TMEM67: variants seen among roughly 807,000 people sequenced by gnomAD.
The protein encoded by TMEM67 is transmembrane protein 67.
In TMEM67, 124 loss-of-function variants were observed where a neutral mutation model predicts 136.6. The observed-to-expected ratio is 0.91, with a 90% CI of 0.78 to 1.05. TMEM67 has a LOEUF of 1.05. Ranked by LOEUF, TMEM67 falls within the 50% of genes least tolerant of loss-of-function variation. TMEM67 has a pLI of 0.00. For missense variants in TMEM67, 1,107 were observed against 1,178.4 expected, an observed-to-expected ratio of 0.94 and a Z score of 0.89; for synonymous variants, 364 against 390.5, an observed-to-expected ratio of 0.93 and a Z score of 0.80.
At chr8:93,813,340 G>A (rs1808773810) in intron 26 of TMEM67, among the ~76,000 whole-genome samples, 1 of 152,042 alleles carries the variant, frequency 6.6e-6, no homozygotes, top group African/African-American at 2.4e-5. Flanking sequence ...CACCACACCT[G>A]GCTAATTTTT....
In TMEM67 at chr8:93,785,257, TC is replaced by T; in HGVS notation, c.1170del (p.Thr391LeufsTer26). ...CTATCTCTAAGATCTTAATTGACTTTCCCACTCCTATATTTTATGATGTGTA... is the reference window on the plus strand; with the variant it reads ...CTATCTCTAAGATCTTAATTGACTTTCCACTCCTATATTTTATGATGTGTA... ...IPISKILIDF[P>X]TPIFYDVYLE... On this transcript the variant is annotated frameshift_variant, in exon 12 of 28. Transcript: ENST00000453321. LOFTEE classifies it high-confidence loss of function. 1 of 1,598,230 alleles carries T rather than the reference TC, an allele frequency of 6.3e-7. No individual in the cohort carries two copies. The highest frequency in any genetic ancestry group is 8.6e-7 in the Non-Finnish European group (1 of 1,166,416).
intron 6 of TMEM67, among the ~76,000 whole-genome samples, chr8:93,771,837 A>G (rs554361970): frequency 6.6e-6 from 1 of 152,296 alleles, no homozygotes; most frequent in South Asian, 2.1e-4. Flanking sequence ...ATTTTTGCTT[A>G]TTAAATATAC....
intron 9 of TMEM67, 94 bp from the exon 10 acceptor site, chr8:93,781,564 A>G: frequency 1.8e-6 from 1 of 561,212 alleles, no homozygotes; most frequent in Non-Finnish European, 3.2e-6. Context: ...TAATTTTTCA[A>G]CAAAAAAGAT....
chr8:93,791,695 A>G (rs905800106), intron 15 of TMEM67, among the ~76,000 whole-genome samples: 13 of 152,260 alleles, frequency 8.5e-5, no homozygotes, highest in East Asian at 3.9e-4. Flanking sequence ...TTGGCCCTCA[A>G]TTTGGGTTTG....
chr8:93,764,943 G>A (rs1202434108), intron 4 of TMEM67, among the ~76,000 whole-genome samples: 1 of 152,086 alleles, frequency 6.6e-6, no homozygotes, highest in Non-Finnish European at 1.5e-5. Context: ...AAACAAAGAT[G>A]GTAAATAGAA....
At chr8:93,830,226 C>T in the TMEM67 span, among the ~76,000 whole-genome samples, 8 of 152,178 alleles carry the variant, frequency 5.3e-5, no homozygotes, top group Non-Finnish European at 8.8e-5. Context: ...AATGGCTGAG[C>T]ACATGAGATT....
At chr8:93,795,870 A>G in intron 17 of TMEM67, 31 bp from the exon 18 acceptor site, 1 of 1,448,152 alleles carries the variant, frequency 6.9e-7, no homozygotes, top group Non-Finnish European at 9.6e-7. Context: ...ACTGTGTGTG[A>G]TAATATTTAA....
At position 93,754,956 on chromosome 8, in the gene TMEM67, G is replaced by T. The variant is rs781254251; in HGVS notation, c.42G>T (p.Trp14Cys). Residue 14 changes from tryptophan to cysteine, a missense_variant, in exon 1 of 28, where the codon TGG becomes TGT. Trp to Cys is a radical substitution (Grantham distance 215, BLOSUM62 -2). This residue lies in a region of TMEM67 where 178 missense variants were observed against 159.2 expected (regional missense o/e 1.12). Coordinates refer to ENST00000453321, the MANE Select transcript of TMEM67 (RefSeq NM_153704.6). ...GGGCTGGGGTGGCAATGGCGGTTTG[G>T]TCCCTCTTATCCGCCCGGGCCGTGA... Reference protein sequence around the residue: ...RGGAGVAMAVWSLLSARAVTA... With the variant: ...RGGAGVAMAVCSLLSARAVTA... 5.8e-5 allele frequency: 93 copies of T among 1,614,002 alleles called. No homozygotes were observed. The highest frequency in any genetic ancestry group is 7.8e-5 in the Non-Finnish European group (92 of 1,180,036).
Position 93,809,077 on chromosome 8 carries a change from A to G in TMEM67, c.2577A>G (p.Leu859=), listed in dbSNP as rs375291384. Reference sequence around the variant, plus strand: ...ATTAGAAAAATGGTCCTGCTAGACTACTGAGTTCATCAGCAAGTACTTTTG... The same window carrying G: ...ATTAGAAAAATGGTCCTGCTAGACTGCTGAGTTCATCAGCAAGTACTTTTG... ...TLIRKNGPAR[L]LSSSASTFEQ... is the part of the protein sequence containing the mutation. Residue 859 remains leucine, a synonymous_variant, in exon 25 of 28, where the codon CTA becomes CTG. Transcript: ENST00000453321. 6.2e-7 allele frequency: 1 copy of G among 1,608,724 alleles called. No homozygotes were observed. The highest frequency in any genetic ancestry group is 8.5e-7 in the Non-Finnish European group (1 of 1,175,558).
intron 23 of TMEM67, among the ~76,000 whole-genome samples, chr8:93,805,789 A>G (rs2130767691): frequency 6.6e-6 from 1 of 152,312 alleles, no homozygotes; most frequent in Admixed American, 6.5e-5. Flanking sequence ...TGACTAATGG[A>G]TTGATGAATG....
At chr8:93,799,904 C>CTTTTT (rs35554591) in intron 21 of TMEM67, 146 bp downstream of exon 21, 40 of 347,852 alleles carry the variant, frequency 1.1e-4, no homozygotes, top group Non-Finnish European at 1.5e-4. Flanking sequence ...ATGGTCAGTT[C>CTTTTT]TTTTTTTTTT....
chr8:93,791,308 G>T lies in TMEM67; in HGVS notation c.1564G>T (p.Val522Phe), dbSNP rs868603320. The T allele has an allele frequency of 6.2e-7, 1 of 1,601,628 alleles. No individual in the cohort carries two copies. The highest frequency in any genetic ancestry group is 1.7e-4 in the Middle Eastern group (1 of 5,970). ...TYEMDHGEAH[V>F]QTDIALGVLG... The stretch of plus-strand genomic sequence containing the variant: ...TGAAATGGATCATGGAGAAGCACAT[G>T]TCCAGACAGATGTAAGTTTATTTTA... Residue 522 changes from valine to phenylalanine, a missense_variant, in exon 15 of 28, where the codon GTC (valine) becomes TTC (phenylalanine). Val to Phe is a conservative substitution (Grantham distance 50, BLOSUM62 -1). This residue lies in a region of TMEM67 where 925 missense variants were observed against 1,002.4 expected (regional missense o/e 0.92). Coordinates refer to ENST00000453321, the MANE Select transcript of TMEM67 (RefSeq NM_153704.6).
chr8:93,797,109 G>T (rs781074693), intron 18 of TMEM67, 25 bp from the exon 19 acceptor site: 12 of 1,379,670 alleles, frequency 8.7e-6, no homozygotes, highest in Non-Finnish European at 1.2e-5. Flanking sequence ...ACTTTTTCAG[G>T]TGTTTTATTA....
At chr8:93,756,196 T>C (rs914143057) in intron 2 of TMEM67, 1 of 206,286 alleles carries the variant, frequency 4.8e-6, no homozygotes, top group Non-Finnish European at 9.7e-6. Flanking sequence ...TGTGTGCAAT[T>C]TGGGATGTGT....
chr8:93,795,281 T>C (rs1176862116), intron 16 of TMEM67, 128 bp from the exon 17 acceptor site: 2 of 810,266 alleles, frequency 2.5e-6, no homozygotes, highest in Non-Finnish European at 4.3e-6. Context: ...CTGGATCATA[T>C]GGGGATATGT....
chr8:93,808,513 T>G (rs1164414242), intron 23 of TMEM67, among the ~76,000 whole-genome samples: 381 of 14,678 alleles, frequency 0.026, no homozygotes, highest in Middle Eastern at 0.059. Flanking sequence ...GATGAATATA[T>G]ATATTTATAA....
At chr8:93,795,592 G>C in intron 17 of TMEM67, 85 bp downstream of exon 17, 2 of 1,229,314 alleles carry the variant, frequency 1.6e-6, no homozygotes, top group East Asian at 4.7e-5. Flanking sequence ...TTTTATTTGA[G>C]AGAATTTTTG....
At chr8:93,760,139 T>TA (rs1203550664) in intron 3 of TMEM67, 1 of 515,082 alleles carries the variant, frequency 1.9e-6, no homozygotes. Context: ...TATCAGGATA[T>TA]TATTTGTTTG....
At chr8:93,819,061 C>G (rs1441213683), downstream of TMEM67, 1 of 450,822 alleles carries the variant, frequency 2.2e-6, no homozygotes, top group Non-Finnish European at 4.4e-6. Flanking sequence ...CCTCGGCCTC[C>G]AAAAGTGCTG....
Sources: allele counts gnomAD v4.1 joint callset (sites outside exome capture counted in the v4.1 genomes callset), GRCh38; gene constraint gnomAD v4.1.1; regional missense constraint gnomAD v4.1.1; transcripts MANE v1.5; gene names NCBI Gene and HGNC (gene_info 2026-07-23, HGNC 2026-07-21).